Variants in UXS1 observed in about 807,000 individuals in gnomAD.
The protein encoded by UXS1 is UDP-glucuronic acid decarboxylase 1.
A neutral mutation model predicts 62.6 loss-of-function variants in UXS1; 33 were observed. The observed-to-expected ratio is 0.53, with a 90% CI of 0.40 to 0.70. UXS1 has a LOEUF of 0.70. Ranked by LOEUF, UXS1 falls within the 30% of genes least tolerant of loss-of-function variation. UXS1 has a pLI of 0.00. For synonymous variants in UXS1, 213 were observed against 206.8 expected (o/e 1.03, Z -0.26); for missense variants, 434 against 556.3 (o/e 0.78, Z 2.21).
chr2:106,100,878 A>C (rs1677533191), intron 12 of UXS1, 180 bp downstream of exon 12: 4 of 750,152 alleles, frequency 5.3e-6, no homozygotes, highest in East Asian at 5.5e-5. Flanking sequence ...CAGATGTTTT[A>C]CTTCTTTGTA....
intron 9 of UXS1, among the ~76,000 whole-genome samples, chr2:106,114,682 C>T (rs1013645256): frequency 1.3e-5 from 2 of 152,184 alleles, no homozygotes; most frequent in Admixed American, 6.5e-5. Context: ...GATCAGCAGA[C>T]ATTAAGTGTC....
chr2:106,106,181 A>G (rs1050518990), intron 10 of UXS1, among the ~76,000 whole-genome samples: 1 of 152,150 alleles, frequency 6.6e-6, no homozygotes, highest in African/African-American at 2.4e-5. Context: ...CCTGACCAAC[A>G]TGGAGAAACC....
rs760020601 is a variant in UXS1 at position 106,145,296 on chromosome 2, C to T, written c.366G>A (p.Val122=). Residue 122 remains valine, a synonymous_variant, in exon 6 of 15, where the codon GTG becomes GTA. Transcript: ENST00000283148. ...KLMMDGHEVT[V]VDNFFTGRKR... ...TCCTGCCCGTGAAGAAATTGTCCAC[C>T]ACGGTCACCTCGTGGCCGTCCATCA... The T allele has an allele frequency of 3.7e-6, 6 of 1,613,978 alleles. 1 individual carries two copies. The South Asian group carries it at 6.6e-5, about 18-fold the overall frequency.
intron 6 of UXS1, chr2:106,138,166 T>C: frequency 1.0e-6 from 1 of 985,336 alleles, no homozygotes; most frequent in Non-Finnish European, 1.2e-6. Flanking sequence ...CCACTATCAT[T>C]AACCTCACAC....
chr2:106,129,229 G>C (rs1288859726), intron 7 of UXS1, among the ~76,000 whole-genome samples: 1 of 152,194 alleles, frequency 6.6e-6, no homozygotes, highest in African/African-American at 2.4e-5. Flanking sequence ...CCTTCAAGGA[G>C]TGCTACTGAA....
intron 1 of UXS1, among the ~76,000 whole-genome samples, chr2:106,174,941 T>A (rs1001972318): frequency 2.0e-5 from 3 of 152,306 alleles, no homozygotes; most frequent in South Asian, 2.1e-4. Flanking sequence ...TTCCTTCCCA[T>A]CTGCATGGAA....
At chr2:106,095,095 A>G (rs182159951) in intron 14 of UXS1, among the ~76,000 whole-genome samples, 1 of 152,240 alleles carries the variant, frequency 6.6e-6, no homozygotes, top group African/African-American at 2.4e-5. Flanking sequence ...TCACATTCCA[A>G]GAATGTTAGA....
intron 6 of UXS1, among the ~76,000 whole-genome samples, chr2:106,142,272 A>C (rs963619555): frequency 1.1e-4 from 16 of 152,250 alleles, no homozygotes; most frequent in Non-Finnish European, 2.2e-4. Context: ...TATTTTCATC[A>C]TCAGGAAAAA....
intron 11 of UXS1, among the ~76,000 whole-genome samples, chr2:106,104,367 A>C (rs1466595280): frequency 6.6e-6 from 1 of 152,232 alleles, no homozygotes; most frequent in East Asian, 1.9e-4. Flanking sequence ...GTGAAATTCA[A>C]CATAAGAACA....
intron 1 of UXS1, among the ~76,000 whole-genome samples, chr2:106,191,390 C>T (rs914037370): frequency 3.3e-5 from 5 of 152,232 alleles, no homozygotes; most frequent in African/African-American, 1.2e-4. Context: ...GATTAGAAAA[C>T]ACAGACATCA....
chr2:106,184,877 T>C (rs943739210), intron 1 of UXS1, among the ~76,000 whole-genome samples: 2 of 152,132 alleles, frequency 1.3e-5, no homozygotes, highest in African/African-American at 2.4e-5. Flanking sequence ...TCAGGAGACA[T>C]GCACACCACA....
At chr2:106,172,894 A>G (rs931059801) in intron 1 of UXS1, among the ~76,000 whole-genome samples, 3 of 151,848 alleles carry the variant, frequency 2.0e-5, no homozygotes, top group Admixed American at 6.6e-5. Flanking sequence ...TTGCACTTAC[A>G]CTTCTCCCAA....
At chr2:106,193,616 G>C (rs1399551218) in intron 1 of UXS1, among the ~76,000 whole-genome samples, 1 of 152,188 alleles carries the variant, frequency 6.6e-6, no homozygotes, top group Non-Finnish European at 1.5e-5. Context: ...GGGCACGGCC[G>C]CGGGCCGGGG....
Position 106,185,386 on chromosome 2 carries a change from C to T in UXS1, c.94+8762G>A, listed in dbSNP as rs114875562. 3.1e-3 allele frequency among the ~76,000 whole-genome samples: 473 copies of T among 152,262 alleles called. 2 individuals carry two copies. The highest frequency in any genetic ancestry group is 0.011 in the African/African-American group (447 of 41,558). The stretch of plus-strand genomic sequence containing the variant: ...TCTACCTACAGAACACTTCTGATAC[C>T]ACGTGTGTGTGCTTTTCCCATACTA... On this transcript the variant is annotated intron_variant, in intron 1 of 14. Transcript: ENST00000283148.
intron 13 of UXS1, 30 bp from the exon 14 acceptor site, chr2:106,096,851 A>G (rs1677154372): frequency 6.4e-7 from 1 of 1,551,614 alleles, no homozygotes; most frequent in South Asian, 1.2e-5. Flanking sequence ...AAAAGGTAGG[A>G]GAGAATCACA....
chr2:106,188,975 A>G (rs2104293524), intron 1 of UXS1, among the ~76,000 whole-genome samples: 1 of 152,364 alleles, frequency 6.6e-6, no homozygotes, highest in South Asian at 2.1e-4. Context: ...TGGCAAAAAT[A>G]AAATGTAAAA....
intron 9 of UXS1, among the ~76,000 whole-genome samples, chr2:106,114,869 ACTC>A (rs1427067361): frequency 6.6e-6 from 1 of 152,094 alleles, no homozygotes; most frequent in Admixed American, 6.5e-5. Flanking sequence ...TGAAGCCTAA[ACTC>A]CTTACATGAA....
At chr2:106,182,145 GTCTA>G (rs1289173409) in intron 1 of UXS1, among the ~76,000 whole-genome samples, 104 of 152,362 alleles carry the variant, frequency 6.8e-4, no homozygotes, top group African/African-American at 2.3e-3. Flanking sequence ...CAAAAGAAAG[GTCTA>G]TCTAAAGTAT....
chr2:106,185,256 T>C (rs1684485508), intron 1 of UXS1, among the ~76,000 whole-genome samples: 1 of 152,246 alleles, frequency 6.6e-6, no homozygotes, highest in Admixed American at 6.5e-5. Flanking sequence ...CTCATGGTAC[T>C]CAGCACTTTA....
Sources: gnomAD v4.1 joint callset for allele counts (sites outside exome capture counted in the v4.1 genomes callset) on GRCh38, gnomAD v4.1.1 for gene constraint, MANE v1.5 for transcripts, NCBI Gene and HGNC (gene_info 2026-07-23, HGNC 2026-07-21) for gene names.